The following SLC9A9 variants were observed in gnomAD, a reference collection of about 807,000 sequenced individuals.
SLC9A9 encodes sodium/hydrogen exchanger 9.
Under a neutral mutation model 77.8 loss-of-function variants are expected in SLC9A9, and 62 were observed. That is an observed-to-expected ratio of 0.80 (90% CI 0.65 to 0.98). The LOEUF is 0.98. SLC9A9 is among the 50% of genes least tolerant of loss of function. The pLI is 0.00. For missense variants in SLC9A9, 775 were observed against 774.9 expected, an observed-to-expected ratio of 1.00 and a Z score of 0.00; for synonymous variants, 320 against 283.5, an observed-to-expected ratio of 1.13 and a Z score of -1.29.
intron 9 of SLC9A9, among the ~76,000 whole-genome samples, chr3:143,539,854 TG>T (rs1275858530): frequency 6.6e-6 from 1 of 150,682 alleles, no homozygotes; most frequent in East Asian, 1.9e-4. Flanking sequence ...TGGTAGTTTT[TG>T]TTTTCTAAAA....
At chr3:143,756,440 A>G (rs548185303) in intron 4 of SLC9A9, among the ~76,000 whole-genome samples, 3 of 152,324 alleles carry the variant, frequency 2.0e-5, no homozygotes, top group South Asian at 2.1e-4. Flanking sequence ...AAAAGCATCT[A>G]TGCCCCAAGC....
intron 5 of SLC9A9, among the ~76,000 whole-genome samples, chr3:143,657,577 C>A (rs1264374028): frequency 6.6e-6 from 1 of 152,094 alleles, no homozygotes; most frequent in Non-Finnish European, 1.5e-5. Flanking sequence ...TATTCTAATT[C>A]TTTCATTAGT....
intron 14 of SLC9A9, among the ~76,000 whole-genome samples, chr3:143,305,619 A>AAG (rs2030746940): frequency 6.6e-6 from 1 of 152,210 alleles, no homozygotes; most frequent in African/African-American, 2.4e-5. Flanking sequence ...GAGTCTACAG[A>AAG]AGAGGCTGCC....
chr3:143,296,537 CT>C (rs1478061559), intron 14 of SLC9A9, among the ~76,000 whole-genome samples: 1 of 152,170 alleles, frequency 6.6e-6, no homozygotes, highest in Non-Finnish European at 1.5e-5. Flanking sequence ...ATGCAAATAT[CT>C]TTTGGAAATT....
At chr3:143,836,216 G>A (rs755104912) in intron 1 of SLC9A9, among the ~76,000 whole-genome samples, 13 of 152,170 alleles carry the variant, frequency 8.5e-5, no homozygotes, top group Admixed American at 2.6e-4. Context: ...AGCATTTATT[G>A]TTTGAACCAC....
chr3:143,831,325 A>G (rs1298437242), intron 2 of SLC9A9, among the ~76,000 whole-genome samples: 1 of 152,214 alleles, frequency 6.6e-6, no homozygotes, highest in Non-Finnish European at 1.5e-5. Flanking sequence ...ACCACAAAAG[A>G]TAACCTAACC....
At chr3:143,471,885 TTCTATTCATAACAATA>T (rs1043769834) in intron 11 of SLC9A9, among the ~76,000 whole-genome samples, 1 of 152,208 alleles carries the variant, frequency 6.6e-6, no homozygotes, top group African/African-American at 2.4e-5. Flanking sequence ...TATGTTGATG[TTCTATTCATAACAATA>T]GAAAACTATT....
chr3:143,529,770 A>G (rs1290755911), intron 9 of SLC9A9, among the ~76,000 whole-genome samples: 2 of 152,218 alleles, frequency 1.3e-5, no homozygotes, highest in East Asian at 3.8e-4. Context: ...ATTGATATGT[A>G]CACCGAAAAG....
intron 4 of SLC9A9, among the ~76,000 whole-genome samples, chr3:143,755,606 A>G (rs2006897126): frequency 6.6e-6 from 1 of 152,224 alleles, no homozygotes; most frequent in Non-Finnish European, 1.5e-5. Context: ...TTGTGGCCAC[A>G]TAGAATTGTC....
chr3:143,555,486 A>G (rs903589367), intron 8 of SLC9A9, among the ~76,000 whole-genome samples: 5 of 152,204 alleles, frequency 3.3e-5, no homozygotes, highest in African/African-American at 9.7e-5. Flanking sequence ...TTGAATAAAT[A>G]AGTGAACATT....
chr3:143,474,854 C>G (rs901494950), intron 11 of SLC9A9, among the ~76,000 whole-genome samples: 9 of 152,114 alleles, frequency 5.9e-5, no homozygotes, highest in Admixed American at 1.3e-4. Context: ...GCAGCTTTTC[C>G]CACCTGCAGT....
rs573744565 is a variant in SLC9A9, at chr3:143,640,807, G to A, written c.755+11448C>T. Reference sequence around the variant, plus strand: ...GTGTAGGTTGCAGTGAGCCGAGATCGTGCCACTGCATTACAGCCTGGGCAA... The same window carrying A: ...GTGTAGGTTGCAGTGAGCCGAGATCATGCCACTGCATTACAGCCTGGGCAA... On this transcript the variant is annotated intron_variant, in intron 6 of 15. Coordinates refer to ENST00000316549, the MANE Select transcript of SLC9A9 (RefSeq NM_173653.4). 5.9e-5 allele frequency among the ~76,000 whole-genome samples: 9 copies of A among 152,234 alleles called. No individual in the cohort carries two copies. In the East Asian group the frequency reaches 1.4e-3, roughly 23 times the overall value.
intron 4 of SLC9A9, among the ~76,000 whole-genome samples, chr3:143,785,918 G>A (rs1398894459): frequency 5.6e-5 from 8 of 142,644 alleles, no homozygotes; most frequent in East Asian, 2.1e-4. Flanking sequence ...GTGCAGTGGC[G>A]CGATCTCGAC....
At chr3:143,539,927 A>C (rs1436471055) in intron 9 of SLC9A9, among the ~76,000 whole-genome samples, 10 of 152,012 alleles carry the variant, frequency 6.6e-5, no homozygotes, top group Admixed American at 3.3e-4. Flanking sequence ...CTTTTTAAGG[A>C]GTTGGGGCTC....
intron 4 of SLC9A9, among the ~76,000 whole-genome samples, chr3:143,749,074 A>T (rs557314010): frequency 7.6e-4 from 115 of 152,300 alleles, no homozygotes; most frequent in South Asian, 1.5e-3. Flanking sequence ...GAATAATACT[A>T]ATAAAGGTGC....
chr3:143,723,519 T>C (rs149348492), intron 4 of SLC9A9, among the ~76,000 whole-genome samples: 8 of 152,266 alleles, frequency 5.3e-5, no homozygotes, highest in Admixed American at 2.6e-4. Context: ...ATTCAAAGGA[T>C]GACACAGTTT....
chr3:143,461,954 A>G (rs972462598), intron 12 of SLC9A9, among the ~76,000 whole-genome samples: 2 of 152,192 alleles, frequency 1.3e-5, no homozygotes, highest in African/African-American at 2.4e-5. Flanking sequence ...ATCTTTGTAT[A>G]CATATTTGTG....
intron 11 of SLC9A9, among the ~76,000 whole-genome samples, chr3:143,480,697 A>G (rs1048759963): frequency 1.3e-5 from 2 of 152,168 alleles, no homozygotes; most frequent in Non-Finnish European, 2.9e-5. Flanking sequence ...TAAATGGAGA[A>G]AGTCCTGACC....
chr3:143,536,256 T>C (rs1227309871), intron 9 of SLC9A9, among the ~76,000 whole-genome samples: 1 of 152,212 alleles, frequency 6.6e-6, no homozygotes, highest in Non-Finnish European at 1.5e-5. Flanking sequence ...AGAACTGGAC[T>C]TGGAATCAGT....
Sources: gnomAD v4.1 joint callset for allele counts (sites outside exome capture counted in the v4.1 genomes callset) on GRCh38, gnomAD v4.1.1 for gene constraint, MANE v1.5 for transcripts, NCBI Gene and HGNC (gene_info 2026-07-23, HGNC 2026-07-21) for gene names.